BANP: variants seen among roughly 807,000 people sequenced by gnomAD.
BANP encodes protein BANP.
BANP carries 11 observed loss-of-function variants against 68.1 expected under a neutral mutation model. That is an observed-to-expected ratio of 0.16 (90% CI 0.10 to 0.27). BANP has a LOEUF of 0.27. Ranked by LOEUF, BANP falls within the 10% of genes least tolerant of loss-of-function variation. The probability of loss-of-function intolerance (pLI) is 1.00; values close to 1 mark genes in which losing one functional copy is unlikely to be tolerated. For synonymous variants in BANP, 329 were observed against 303.2 expected, an observed-to-expected ratio of 1.09 and a Z score of -0.88; for missense variants, 504 against 722.7, an observed-to-expected ratio of 0.70 and a Z score of 3.47.
In BANP at chr16:88,077,069, C is replaced by G. The variant is rs896342253; in HGVS notation, c.*408C>G. 4.8e-6 allele frequency: 1 copy of G among 206,898 alleles called. No homozygotes were observed. Among genetic ancestry groups the G allele is most frequent in the Non-Finnish European group, 1.0e-5 (1 of 99,818 alleles). 12.8% of individuals were successfully genotyped at this position (206,898 alleles called of 1,614,324 possible). Reference sequence around the variant, plus strand: ...CTTTGCTGTGTGCTCTGTCCAGTGTCATGAGACGGGAGCCCTTTGCTGTGT... The same window carrying G: ...CTTTGCTGTGTGCTCTGTCCAGTGTGATGAGACGGGAGCCCTTTGCTGTGT... On this transcript the variant is annotated 3_prime_UTR_variant, in exon 14 of 14. Coordinates refer to ENST00000682872, the MANE Select transcript of BANP (RefSeq NM_001386991.1).
intron 11 of BANP, among the ~76,000 whole-genome samples, chr16:88,055,809 A>G (rs117364160): frequency 5.1e-4 from 78 of 152,328 alleles, no homozygotes; most frequent in Non-Finnish European, 9.7e-4. Flanking sequence ...TCAAGAAAAT[A>G]TATTCCTGCA....
At chr16:88,065,189 T>C (rs929909968) in intron 11 of BANP, 78 bp from the exon 12 acceptor site, 30 of 639,050 alleles carry the variant, frequency 4.7e-5, no homozygotes, top group Non-Finnish European at 8.2e-5. Flanking sequence ...CCATCCTGGG[T>C]CTCAGTGGGC....
At chr16:88,069,120 C>T (rs1489416578) in intron 12 of BANP, among the ~76,000 whole-genome samples, 4 of 152,208 alleles carry the variant, frequency 2.6e-5, no homozygotes, top group African/African-American at 9.7e-5. Flanking sequence ...TTCTCATCGT[C>T]AGGCTGGGTT....
chr16:88,074,327 GA>G (rs2091131399), intron 13 of BANP, among the ~76,000 whole-genome samples: 1 of 152,318 alleles, frequency 6.6e-6, no homozygotes, highest in East Asian at 1.9e-4. Flanking sequence ...CTGGCTCTGA[GA>G]AGATGGGTTC....
At chr16:88,073,237 G>A (rs368997438) in intron 13 of BANP, among the ~76,000 whole-genome samples, 33 of 152,362 alleles carry the variant, frequency 2.2e-4, no homozygotes, top group African/African-American at 6.7e-4. Context: ...CCTCAGCCGC[G>A]ACAGCCGTGT....
chr16:87,957,430 C>T lies in BANP; in HGVS notation c.-69+5915C>T, dbSNP rs1163054406. Among the ~76,000 whole-genome samples the T allele has an allele frequency of 6.6e-6, 1 of 152,192 alleles. No individual in the cohort carries two copies. Among genetic ancestry groups the T allele is most frequent in the East Asian group, 1.9e-4 (1 of 5,192 alleles). ...CTGCTCGTCTGTGTCCACATTCTGTCGTGGTTGAGACCGGATCCTGTGTGG... is the reference window on the plus strand; with the variant it reads ...CTGCTCGTCTGTGTCCACATTCTGTTGTGGTTGAGACCGGATCCTGTGTGG... On this transcript the variant is annotated intron_variant, in intron 1 of 13. Coordinates refer to ENST00000682872, the MANE Select transcript of BANP (RefSeq NM_001386991.1). The surrounding 1 kb of genome is among the most constrained non-coding windows in gnomAD (Gnocchi z 4.3).
In BANP at chr16:88,004,430, A is replaced by T; in HGVS notation, c.479+19A>T. 3 of 1,347,826 alleles carry T rather than the reference A, an allele frequency of 2.2e-6. No homozygotes were observed. The highest frequency in any genetic ancestry group is 3.1e-6 in the Non-Finnish European group (3 of 975,838). 83.5% of individuals were successfully genotyped at this position (1,347,826 alleles called of 1,614,324 possible). ...TTAGCAAGTCAGTAGCACGGCACCA[A>T]CCCCACCTTTCCCTGCCACTGTGCG... On this transcript the variant is annotated intron_variant, in intron 5 of 13. Coordinates refer to ENST00000682872, the MANE Select transcript of BANP (RefSeq NM_001386991.1). The surrounding 1 kb of genome is among the most constrained non-coding windows in gnomAD (Gnocchi z 7.0).
chr16:88,006,358 A>G (rs909724991), intron 6 of BANP, 93 bp downstream of exon 6: 31 of 1,451,414 alleles, frequency 2.1e-5, no homozygotes, highest in Non-Finnish European at 2.8e-5. Flanking sequence ...TAAAGAAGTG[A>G]TACAGTGGCC....
intron 6 of BANP, among the ~76,000 whole-genome samples, chr16:88,015,387 G>C (rs1231109587): frequency 3.3e-5 from 5 of 152,198 alleles, no homozygotes; most frequent in African/African-American, 4.8e-5. Flanking sequence ...ACCACGCTGG[G>C]CGTGGGCGCC....
intron 11 of BANP, among the ~76,000 whole-genome samples, chr16:88,046,190 G>A (rs542531511): frequency 3.3e-5 from 5 of 152,364 alleles, no homozygotes; most frequent in African/African-American, 7.2e-5. Context: ...GCCTCCTGAC[G>A]CGGAGGTGGG....
chr16:87,959,452 G>C (rs376587768), intron 1 of BANP, among the ~76,000 whole-genome samples: 3 of 152,336 alleles, frequency 2.0e-5, no homozygotes, highest in African/African-American at 7.2e-5. Context: ...GCAGTGGCTG[G>C]ATGGGGAGAG....
chr16:88,030,183 T>C (rs1453089056), intron 8 of BANP, among the ~76,000 whole-genome samples: 1 of 152,158 alleles, frequency 6.6e-6, no homozygotes, highest in African/African-American at 2.4e-5. Flanking sequence ...CAAAGTAAAA[T>C]TCACAATCTC....
intron 1 of BANP, among the ~76,000 whole-genome samples, chr16:87,961,315 T>A (rs2059077065): frequency 6.6e-6 from 1 of 152,210 alleles, no homozygotes; most frequent in Admixed American, 6.5e-5. Flanking sequence ...CTTGTAAGGC[T>A]GCATTTTATT....
intron 6 of BANP, among the ~76,000 whole-genome samples, chr16:88,010,957 A>G (rs2072942513): frequency 1.0e-5 from 1 of 97,756 alleles, no homozygotes; most frequent in African/African-American, 3.8e-5. Context: ...TTTTTAACAT[A>G]AGTGCTGTAT....
chr16:88,018,749 A>G lies in BANP; in HGVS notation c.895+82A>G. The G allele has an allele frequency of 6.8e-7, 1 of 1,471,256 alleles. No individual in the cohort carries two copies. Among genetic ancestry groups the G allele is most frequent in the African/African-American group, 1.4e-5 (1 of 71,502 alleles). 91.1% of individuals were successfully genotyped at this position (1,471,256 alleles called of 1,614,324 possible). On this transcript the variant is annotated intron_variant, in intron 7 of 13. Transcript: ENST00000682872. The surrounding 1 kb of genome is among the most constrained non-coding windows in gnomAD (Gnocchi z 7.7). Reference sequence around the variant, plus strand: ...ACATTTCAATGCTGAGGACGCTGGCATCAGTAGCACCGGCACGGGGCTGCG... The same window carrying G: ...ACATTTCAATGCTGAGGACGCTGGCGTCAGTAGCACCGGCACGGGGCTGCG...
chr16:87,965,321 A>C (rs2059831915), intron 1 of BANP, among the ~76,000 whole-genome samples: 1 of 152,106 alleles, frequency 6.6e-6, no homozygotes, highest in South Asian at 2.1e-4. Context: ...GGATGTGAGC[A>C]CTGAAAATGG....
rs1189250181 is a variant in BANP at position 88,071,905 on chromosome 16, G to T, written c.1378-164G>T. On this transcript the variant is annotated intron_variant, in intron 12 of 13. Coordinates refer to ENST00000682872, the MANE Select transcript of BANP (RefSeq NM_001386991.1). The surrounding 1 kb of genome is among the most constrained non-coding windows in gnomAD (Gnocchi z 6.5). The stretch of plus-strand genomic sequence containing the variant: ...TGATGCGACTTGAGAGCGATGGGGA[G>T]ACAGGATGTGCCGCAGAGTCCTCGG... 1 of 885,406 alleles carries T rather than the reference G, an allele frequency of 1.1e-6. No individual in the cohort carries two copies. The highest frequency in any genetic ancestry group is 1.8e-6 in the Non-Finnish European group (1 of 554,494). The allele number at this position is 885,406 out of a possible 1,614,324, so 54.8% of individuals were successfully genotyped here.
At chr16:88,035,584 T>C (rs1297217952) in intron 10 of BANP, among the ~76,000 whole-genome samples, 190 bp downstream of exon 10, 2 of 152,196 alleles carry the variant, frequency 1.3e-5, no homozygotes, top group Admixed American at 6.5e-5. Flanking sequence ...TGCCTCCCCC[T>C]CCTGTCCGTT....
chr16:88,056,836 A>T (rs1372141564), intron 11 of BANP, among the ~76,000 whole-genome samples: 2 of 152,254 alleles, frequency 1.3e-5, no homozygotes, highest in African/African-American at 4.8e-5. Context: ...CATTGAGTGA[A>T]TGAATACAAT....
Sources: allele counts gnomAD v4.1 joint callset (sites outside exome capture counted in the v4.1 genomes callset), GRCh38; gene constraint gnomAD v4.1.1; non-coding constraint Gnocchi (gnomAD v3.1); transcripts MANE v1.5; gene names NCBI Gene and HGNC (gene_info 2026-07-23, HGNC 2026-07-21).